The following GALNT13 variants were observed in gnomAD, a reference collection of about 807,000 sequenced individuals.
The protein encoded by GALNT13 is UDP-GalNAc:polypeptide N-acetylgalactosaminyltransferase 13.
In GALNT13, 28 loss-of-function variants were observed where a neutral mutation model predicts 64.2. The observed-to-expected ratio is 0.44, with a 90% CI of 0.32 to 0.60. GALNT13 has a LOEUF of 0.60. Among genes scored for constraint, GALNT13 ranks in the 20% least tolerant of loss-of-function variants. The pLI, the probability that GALNT13 is intolerant of heterozygous loss-of-function variation, is 0.05. For synonymous variants in GALNT13, 214 were observed against 224.6 expected (o/e 0.95, Z 0.42); for missense variants, 577 against 669.8 (o/e 0.86, Z 1.53).
chr2:154,060,979 T>G (rs1279901377), intron 3 of GALNT13, among the ~76,000 whole-genome samples: 2 of 152,012 alleles, frequency 1.3e-5, no homozygotes, highest in African/African-American at 4.8e-5. Flanking sequence ...TACATCAAGA[T>G]CAACAAATAT....
At chr2:154,175,048 A>G (rs1032353684) in intron 4 of GALNT13, among the ~76,000 whole-genome samples, 1 of 152,164 alleles carries the variant, frequency 6.6e-6, no homozygotes, top group Non-Finnish European at 1.5e-5. Context: ...TTTCTTGAGC[A>G]AATAATGCAT....
chr2:153,446,265 C>A, the GALNT13 span, among the ~76,000 whole-genome samples: 9 of 152,254 alleles, frequency 5.9e-5, no homozygotes, highest in Non-Finnish European at 1.2e-4. Flanking sequence ...AATTTGGAAC[C>A]AGGTGAAATA....
chr2:153,236,878 C>T, the GALNT13 span, among the ~76,000 whole-genome samples: 2 of 151,924 alleles, frequency 1.3e-5, no homozygotes, highest in African/African-American at 2.4e-5. Context: ...CTCTGATGTA[C>T]CTGAGCAAAG....
At chr2:153,828,352 G>C in the GALNT13 span, among the ~76,000 whole-genome samples, 1 of 152,100 alleles carries the variant, frequency 6.6e-6, no homozygotes. Context: ...TTCTGCCTGG[G>C]CATCCAGGAG....
At chr2:153,144,026 TC>T in the GALNT13 span, among the ~76,000 whole-genome samples, 1 of 151,990 alleles carries the variant, frequency 6.6e-6, no homozygotes. Context: ...CGCAGCCAAG[TC>T]CACTGTCCTT....
the GALNT13 span, among the ~76,000 whole-genome samples, chr2:153,281,262 G>T: frequency 2.0e-5 from 3 of 149,980 alleles, no homozygotes; most frequent in Non-Finnish European, 4.4e-5. Context: ...CTTTGTTCCT[G>T]TAAGTGTTGT....
At chr2:154,304,490 A>C (rs367911577) in intron 9 of GALNT13, among the ~76,000 whole-genome samples, 6 of 152,370 alleles carry the variant, frequency 3.9e-5, no homozygotes, top group African/African-American at 1.4e-4. Flanking sequence ...ATTCAGGAAT[A>C]TGAGTAATTG....
the GALNT13 span, among the ~76,000 whole-genome samples, chr2:153,110,482 T>C: frequency 3.4e-4 from 52 of 152,280 alleles, 1 homozygote; most frequent in East Asian, 7.3e-3. Flanking sequence ...GGTCTGTTTT[T>C]TTCCTTATTC....
the GALNT13 span, among the ~76,000 whole-genome samples, chr2:153,479,950 CCT>C: frequency 8.5e-5 from 13 of 152,130 alleles, no homozygotes; most frequent in African/African-American, 3.1e-4. Context: ...TGCCTTCCTC[CCT>C]CTTTCTTTCA....
the GALNT13 span, among the ~76,000 whole-genome samples, chr2:153,512,218 T>C: frequency 6.6e-6 from 1 of 152,098 alleles, no homozygotes; most frequent in Non-Finnish European, 1.5e-5. Flanking sequence ...AAAGGGAGGA[T>C]GACCCTAGAG....
At chr2:153,421,518 A>G in the GALNT13 span, 3 of 227,378 alleles carry the variant, frequency 1.3e-5, no homozygotes, top group Non-Finnish European at 3.0e-5. Context: ...GGCATAATCA[A>G]CAGAGAAGTG....
At chr2:153,521,786 T>C in the GALNT13 span, among the ~76,000 whole-genome samples, 2 of 152,316 alleles carry the variant, frequency 1.3e-5, no homozygotes, top group South Asian at 2.1e-4. Context: ...GTTGGAATTA[T>C]ATAGTATGTA....
the GALNT13 span, among the ~76,000 whole-genome samples, chr2:153,089,391 T>C: frequency 5.9e-5 from 9 of 152,170 alleles, no homozygotes; most frequent in African/African-American, 2.2e-4. Context: ...TGCTTTTGCC[T>C]CATAGCTCTT....
chr2:153,669,041 G>C, the GALNT13 span, among the ~76,000 whole-genome samples: 2 of 152,272 alleles, frequency 1.3e-5, no homozygotes, highest in East Asian at 3.9e-4. Flanking sequence ...GACCCAGCTT[G>C]GCCATGCCTG....
intron 9 of GALNT13, among the ~76,000 whole-genome samples, chr2:154,349,866 G>GT (rs1345044911): frequency 6.6e-6 from 1 of 152,188 alleles, no homozygotes; most frequent in Non-Finnish European, 1.5e-5. Flanking sequence ...TGCCAAGCAT[G>GT]GCAATGCTGG....
chr2:153,279,315 C>T, the GALNT13 span, among the ~76,000 whole-genome samples: 1 of 151,996 alleles, frequency 6.6e-6, no homozygotes, highest in African/African-American at 2.4e-5. Context: ...AGAGGTAGTT[C>T]CACTCTCCTT....
intron 9 of GALNT13, among the ~76,000 whole-genome samples, chr2:154,380,476 T>A (rs767683005): frequency 6.6e-6 from 1 of 152,082 alleles, no homozygotes; most frequent in Non-Finnish European, 1.5e-5. Context: ...TTAAAATATT[T>A]TTAATGTATA....
At chr2:154,166,798 T>TA (rs1473370796) in intron 4 of GALNT13, among the ~76,000 whole-genome samples, 2 of 152,090 alleles carry the variant, frequency 1.3e-5, no homozygotes, top group African/African-American at 4.8e-5. Flanking sequence ...TATGCAGCCA[T>TA]AAAAAAGGAT....
the GALNT13 span, among the ~76,000 whole-genome samples, chr2:153,656,370 A>G: frequency 4.7e-5 from 7 of 149,760 alleles, no homozygotes; most frequent in African/African-American, 1.5e-4. Flanking sequence ...GTGCATGTGT[A>G]TGTGCATTCT....
Sources: gnomAD v4.1 joint callset for allele counts (sites outside exome capture counted in the v4.1 genomes callset) on GRCh38, gnomAD v4.1.1 for gene constraint, MANE v1.5 for transcripts, NCBI Gene and HGNC (gene_info 2026-07-23, HGNC 2026-07-21) for gene names.